Variants in GBP6 observed in about 807,000 individuals in gnomAD.
The protein encoded by GBP6 is guanylate binding protein family member 6, also known as guanylate-binding protein 6.
In GBP6, 54 loss-of-function variants were observed where a neutral mutation model predicts 61.5. That is an observed-to-expected ratio of 0.88 (90% CI 0.71 to 1.10). The LOEUF (loss-of-function observed/expected upper bound fraction) is 1.10, where lower values mean the gene tolerates loss of function less well. Ranked by LOEUF, GBP6 falls within the 50% of genes least tolerant of loss-of-function variation. GBP6 has a pLI of 0.00. For synonymous variants in GBP6, 255 were observed against 273.7 expected (o/e 0.93, Z 0.67); for missense variants, 748 against 752.8 (o/e 0.99, Z 0.07).
chr1:89,365,632 T>G (rs947705883), intron 1 of GBP6, among the ~76,000 whole-genome samples: 4 of 152,280 alleles, frequency 2.6e-5, no homozygotes, highest in Admixed American at 2.6e-4. Flanking sequence ...ATTGTTATTG[T>G]AATTATTGTA....
Position 89,385,384 on chromosome 1 carries a change from C to A in GBP6, c.1817C>A (p.Ala606Glu). The change falls in exon 11 of 11, where the codon GCA (alanine) becomes GAA (glutamate). Residue 606 changes from alanine to glutamate, a missense_variant. Coordinates refer to ENST00000370456, the MANE Select transcript of GBP6 (RefSeq NM_198460.3). ...TLDNLADELT[A>E]ILSAPAKLIG... The stretch of plus-strand genomic sequence containing the variant: ...GACAACCTTGCCGATGAGCTAACTG[C>A]AATATTGTCTGCTCCTGCTAAATTA... 6.2e-7 allele frequency: 1 copy of A among 1,614,096 alleles called. No individual in the cohort carries two copies. Among genetic ancestry groups the A allele is most frequent in the Non-Finnish European group, 8.5e-7 (1 of 1,179,982 alleles).
chr1:89,369,129 C>A (rs962613982), intron 2 of GBP6, among the ~76,000 whole-genome samples: 5 of 152,194 alleles, frequency 3.3e-5, no homozygotes, highest in Non-Finnish European at 7.3e-5. Context: ...ATGTGGCCAC[C>A]AACTTCTGTT....
At chr1:89,381,551 G>T (rs1201073040) in intron 6 of GBP6, 143 bp from the exon 7 acceptor site, 2 of 686,284 alleles carry the variant, frequency 2.9e-6, no homozygotes, top group Non-Finnish European at 4.7e-6. Flanking sequence ...GATAATAGCA[G>T]AAGGAGGTAG....
Position 89,372,753 on chromosome 1 carries a change from G to A in GBP6, c.318+3080G>A, listed in dbSNP as rs529605330. 2.6e-5 allele frequency among the ~76,000 whole-genome samples: 4 copies of A among 152,186 alleles called. No individual in the cohort carries two copies. The East Asian group carries it at 7.7e-4, about 29-fold the overall frequency. ...CAATACCATTTAGGACATAGGCATG[G>A]GCAAAGACTTCATGTCTAAAACACC... On this transcript the variant is annotated intron_variant, in intron 3 of 10. Transcript: ENST00000370456.
intron 1 of GBP6, among the ~76,000 whole-genome samples, chr1:89,366,528 T>C (rs894687614): frequency 1.3e-5 from 2 of 152,186 alleles, no homozygotes; most frequent in African/African-American, 4.8e-5. Context: ...AGTTTCAGTA[T>C]ATGATGATCA....
At position 89,386,879 on chromosome 1, in the gene GBP6, T is replaced by C. The variant is rs182765714; in HGVS notation, c.*1410T>C. Among the ~76,000 whole-genome samples, 224 of 152,240 alleles carry C rather than the reference T, an allele frequency of 1.5e-3. No homozygotes were observed. The highest frequency in any genetic ancestry group is 4.6e-3 in the Admixed American group (70 of 15,304). ...CACATAGAGGCCTGGTGTTGACCCT[T>C]AATTGTTAGAATCTAAGAAGATTCA... On this transcript the variant is annotated 3_prime_UTR_variant, in exon 11 of 11. Coordinates refer to ENST00000370456, the MANE Select transcript of GBP6 (RefSeq NM_198460.3).
Position 89,368,633 on chromosome 1 carries a change from A to T in GBP6, c.82A>T (p.Ile28Leu). ...GCAGCTATTGGTGAACCAGCAAGCT[A>T]TACAGATTCTTGAAAAGATTTCTCA... ...NEQLLVNQQAIQILEKISQPV... is the reference protein window; with the variant it reads ...NEQLLVNQQALQILEKISQPV... Residue 28 changes from isoleucine to leucine, a missense_variant, in exon 2 of 11, where the codon ATA becomes TTA. Coordinates refer to ENST00000370456, the MANE Select transcript of GBP6 (RefSeq NM_198460.3). 1 of 1,614,206 alleles carries T rather than the reference A, an allele frequency of 6.2e-7. No individual in the cohort carries two copies.
chr1:89,378,299 G>A, intron 4 of GBP6, 87 bp downstream of exon 4: 1 of 1,522,610 alleles, frequency 6.6e-7, no homozygotes. Context: ...TCCCTTTGAT[G>A]TAATTACCTG....
rs866609054 is a variant in GBP6 at position 89,384,221 on chromosome 1, A to C, written c.1597A>C (p.Lys533Gln). The change falls in exon 10 of 11, where the codon AAG becomes CAG. Residue 533 changes from lysine (K) to glutamine (Q), a missense_variant. Transcript: ENST00000370456. Reference sequence around the variant, plus strand: ...GGAAAACATAGCCCAACTGAAGGAGAAGCTGCAGATGGAGAGAGAACACCT... The same window carrying C: ...GGAAAACATAGCCCAACTGAAGGAGCAGCTGCAGATGGAGAGAGAACACCT... ...RKENIAQLKE[K>Q]LQMEREHLLR... 1 of 1,614,086 alleles carries C rather than the reference A, an allele frequency of 6.2e-7. No individual in the cohort carries two copies. The highest frequency in any genetic ancestry group is 8.5e-7 in the Non-Finnish European group (1 of 1,179,998).
At chr1:89,367,447 C>T (rs928893783) in intron 1 of GBP6, among the ~76,000 whole-genome samples, 1 of 152,120 alleles carries the variant, frequency 6.6e-6, no homozygotes, top group Non-Finnish European at 1.5e-5. Flanking sequence ...TTTTCATGTG[C>T]TTATTGGCCA....
chr1:89,385,198 A>G, intron 10 of GBP6, 32 bp from the exon 11 acceptor site: 1 of 1,578,878 alleles, frequency 6.3e-7, no homozygotes, highest in South Asian at 1.2e-5. Context: ...GGGATTTTTA[A>G]AAATTTACTT....
chr1:89,369,535 C>A lies in GBP6; in HGVS notation c.191-11C>A, dbSNP rs752825721. ...CTGTCCCTGTGCTTAGCTTCCTCCT[C>A]TTCCCTGCAGGCTTCCCTCTGGGCT... On this transcript the variant is annotated splice_polypyrimidine_tract_variant and intron_variant, in intron 2 of 10. Transcript: ENST00000370456. 8.1e-6 allele frequency: 13 copies of A among 1,612,200 alleles called. No homozygotes were observed. In the South Asian group the frequency reaches 1.3e-4, roughly 16 times the overall value.
chr1:89,378,272 T>C (rs1652862807), intron 4 of GBP6, 60 bp downstream of exon 4: 33 of 1,559,318 alleles, frequency 2.1e-5, no homozygotes, highest in Admixed American at 4.0e-5. Flanking sequence ...GGAATGGAGA[T>C]CAAGTCATTT....
chr1:89,369,518 G>A, intron 2 of GBP6, 28 bp from the exon 3 acceptor site: 2 of 1,608,192 alleles, frequency 1.2e-6, no homozygotes, highest in South Asian at 1.1e-5. Flanking sequence ...TGCTGTCCCT[G>A]TGCTTAGCTT....
chr1:89,384,665 G>A (rs1295963402), intron 10 of GBP6, among the ~76,000 whole-genome samples: 1 of 152,148 alleles, frequency 6.6e-6, no homozygotes, highest in Non-Finnish European at 1.5e-5. Flanking sequence ...ATTACCAGGA[G>A]CTCTAGTACC....
chr1:89,366,815 A>G (rs1465431319), intron 1 of GBP6, among the ~76,000 whole-genome samples: 1 of 152,164 alleles, frequency 6.6e-6, no homozygotes, highest in South Asian at 2.1e-4. Flanking sequence ...CCTTTAAACA[A>G]TGATTCTGCA....
chr1:89,385,605 C>T lies in GBP6; in HGVS notation c.*136C>T, dbSNP rs1653121444. The T allele has an allele frequency of 1.3e-6, 1 of 777,002 alleles. No homozygotes were observed. Among genetic ancestry groups the T allele is most frequent in the East Asian group, 2.7e-5 (1 of 36,636 alleles). 48.1% of individuals were successfully genotyped at this position (777,002 alleles called of 1,614,324 possible). On this transcript the variant is annotated 3_prime_UTR_variant, in exon 11 of 11. Transcript: ENST00000370456. ...CTGGAGTACAGTGGTGCAATCTCAG[C>T]TCACTGCAACCTCTGCCTCCTGGGT... is the stretch of plus-strand genomic sequence containing the variant.
intron 5 of GBP6, among the ~76,000 whole-genome samples, chr1:89,379,928 A>T (rs1652916851): frequency 6.6e-6 from 1 of 152,218 alleles, no homozygotes; most frequent in African/African-American, 2.4e-5. Flanking sequence ...ATTTGAGCTC[A>T]GGAGTTTGAG....
At chr1:89,381,217 G>A (rs1305864630) in intron 6 of GBP6, among the ~76,000 whole-genome samples, 10 of 146,140 alleles carry the variant, frequency 6.8e-5, no homozygotes, top group Admixed American at 4.1e-4. Context: ...TCTGGGAGGC[G>A]GAGGTTGTAG....
Sources: gnomAD v4.1 joint callset for allele counts (sites outside exome capture counted in the v4.1 genomes callset) on GRCh38, gnomAD v4.1.1 for gene constraint, MANE v1.5 for transcripts, NCBI Gene and HGNC (gene_info 2026-07-23, HGNC 2026-07-21) for gene names.